The following MRTFB variants were observed in gnomAD, a reference collection of about 807,000 sequenced individuals.
MRTFB encodes myocardin-related transcription factor B.
In MRTFB, 29 loss-of-function variants were observed where a neutral mutation model predicts 104.2. The observed-to-expected ratio is 0.28, with a 90% CI of 0.21 to 0.38. The LOEUF (loss-of-function observed/expected upper bound fraction) is 0.38, where lower values mean the gene tolerates loss of function less well. Ranked by LOEUF, MRTFB falls within the 10% of genes least tolerant of loss-of-function variation. The probability of loss-of-function intolerance (pLI) is 1.00; values close to 1 mark genes in which losing one functional copy is unlikely to be tolerated. For synonymous variants in MRTFB, 535 were observed against 519.5 expected (o/e 1.03, Z -0.41); for missense variants, 1,270 against 1,341.6 (o/e 0.95, Z 0.83).
rs2043034554 is a variant in MRTFB, at chr16:14,246,783, C to G, written c.1523C>G (p.Ser508Cys). 3.1e-6 allele frequency: 5 copies of G among 1,613,944 alleles called. No homozygotes were observed. Among genetic ancestry groups the G allele is most frequent in the South Asian group, 1.1e-5 (1 of 91,086 alleles). Residue 508 changes from serine to cysteine, a missense_variant, in exon 12 of 17, where the codon TCT (serine) becomes TGT (cysteine). Ser to Cys is a moderately radical substitution (Grantham distance 112, BLOSUM62 -1). Coordinates refer to ENST00000571589, the MANE Select transcript of MRTFB (RefSeq NM_001308142.2). ...NVHSPLPISPSPSEQSSLSTD... is the reference protein window; with the variant it reads ...NVHSPLPISPCPSEQSSLSTD... The stretch of plus-strand genomic sequence containing the variant: ...CATTCCCCTCTGCCCATTTCACCAT[C>G]TCCCTCCGAACAGTCCAGTCTCAGT...
At chr16:14,079,160 A>G (rs1380638439) in intron 1 of MRTFB, 130 bp from the exon 2 acceptor site, 2 of 295,092 alleles carry the variant, frequency 6.8e-6, no homozygotes, top group Non-Finnish European at 1.2e-5. Context: ...CTTCCTGACC[A>G]TTCCATTTTA....
chr16:14,245,519 C>A lies in MRTFB; in HGVS notation c.1080-9C>A, dbSNP rs781002560. 4.4e-6 allele frequency: 7 copies of A among 1,596,048 alleles called. No individual in the cohort carries two copies. The highest frequency in any genetic ancestry group is 5.1e-6 in the Non-Finnish European group (6 of 1,175,144). ...TATTATAAACTCTAATTTTTGTTTT[C>A]TTTTGAAGGCCACTCAATGACAAAA... is the stretch of plus-strand genomic sequence containing the variant. On this transcript the variant is annotated splice_polypyrimidine_tract_variant and intron_variant, in intron 10 of 16. Transcript: ENST00000571589.
chr16:14,124,306 A>G (rs2036999426), intron 2 of MRTFB, among the ~76,000 whole-genome samples: 1 of 152,172 alleles, frequency 6.6e-6, no homozygotes, highest in Non-Finnish European at 1.5e-5. Flanking sequence ...ACTGTGTTGA[A>G]TAGGAGTGGT....
At chr16:14,215,192 T>G (rs915950630) in intron 6 of MRTFB, among the ~76,000 whole-genome samples, 2 of 152,242 alleles carry the variant, frequency 1.3e-5, no homozygotes, top group African/African-American at 4.8e-5. Context: ...AATAAATCTT[T>G]TTTTAAGACT....
the MRTFB span, among the ~76,000 whole-genome samples, chr16:14,013,755 T>C: frequency 4.5e-4 from 68 of 152,344 alleles, no homozygotes; most frequent in Non-Finnish European, 8.1e-4. Flanking sequence ...AGCAGGTCTC[T>C]GTAGTGTCCT....
At chr16:14,175,442 C>T (rs2039548534) in intron 3 of MRTFB, among the ~76,000 whole-genome samples, 2 of 152,150 alleles carry the variant, frequency 1.3e-5, no homozygotes, top group Admixed American at 6.5e-5. Context: ...TTATGTAATT[C>T]ATTTTTATTT....
intron 6 of MRTFB, 50 bp downstream of exon 6, chr16:14,213,670 G>C (rs762470121): frequency 3.0e-6 from 4 of 1,324,474 alleles, no homozygotes; most frequent in Admixed American, 2.3e-5. Flanking sequence ...AAGAAAAGAA[G>C]TGAGAATTTC....
rs533348116 is a variant in MRTFB, at chr16:14,129,344, A to G, written c.-63-11200A>G. On this transcript the variant is annotated intron_variant, in intron 2 of 16. Coordinates refer to ENST00000571589, the MANE Select transcript of MRTFB (RefSeq NM_001308142.2). ...TTGGTAAATTTAGAGTTGTACAGTC[A>G]TCACTTTTGAGTCTTAAAATTTCAT... is the stretch of plus-strand genomic sequence containing the variant. 2.0e-4 allele frequency among the ~76,000 whole-genome samples: 30 copies of G among 152,332 alleles called. No individual in the cohort carries two copies. The South Asian group carries it at 6.2e-3, about 32-fold the overall frequency.
intron 2 of MRTFB, among the ~76,000 whole-genome samples, chr16:14,080,221 G>T (rs899664788): frequency 6.6e-6 from 1 of 152,166 alleles, no homozygotes; most frequent in African/African-American, 2.4e-5. Context: ...TTGAGACATG[G>T]CTTACCTGTC....
chr16:14,043,504 C>T, the MRTFB span, among the ~76,000 whole-genome samples: 1 of 152,140 alleles, frequency 6.6e-6, no homozygotes, highest in Non-Finnish European at 1.5e-5. Context: ...TTCATTGTTG[C>T]ATCTTCCTAC....
the MRTFB span, among the ~76,000 whole-genome samples, chr16:14,012,296 TTTC>T: frequency 2.7e-5 from 3 of 112,374 alleles, no homozygotes; most frequent in African/African-American, 1.2e-4. Context: ...TTTTTCTTTC[TTTC>T]TTTTTTTTTT....
intron 3 of MRTFB, among the ~76,000 whole-genome samples, chr16:14,158,996 T>C (rs1415262427): frequency 6.7e-6 from 1 of 148,446 alleles, no homozygotes. Flanking sequence ...AAAAAAAAAC[T>C]TAGGTGTTGT....
intron 3 of MRTFB, chr16:14,151,066 C>T (rs1036930647): frequency 2.6e-5 from 4 of 152,152 alleles, no homozygotes; most frequent in African/African-American, 7.2e-5. Context: ...AAGCAGTACT[C>T]GCAGCTCTTG....
intron 3 of MRTFB, among the ~76,000 whole-genome samples, chr16:14,208,786 G>C: frequency 6.6e-6 from 1 of 152,156 alleles, no homozygotes; most frequent in Non-Finnish European, 1.5e-5. Context: ...AATCAACTTA[G>C]GGAAAAGATC....
At chr16:13,998,871 CAAAAAAAA>C in the MRTFB span, among the ~76,000 whole-genome samples, 956 of 29,134 alleles carry the variant, frequency 0.033, 6 homozygotes, top group Non-Finnish European at 0.06. Context: ...GACTCTGTTT[CAAAAAAAA>C]AAAAAAAAAA....
chr16:14,024,046 A>G, the MRTFB span, among the ~76,000 whole-genome samples: 1 of 151,076 alleles, frequency 6.6e-6, no homozygotes, highest in East Asian at 1.9e-4. Flanking sequence ...GTGAGACTCC[A>G]TCTCAAAAAA....
chr16:14,237,361 CAAG>C (rs1567202188), intron 9 of MRTFB, among the ~76,000 whole-genome samples: 2 of 152,148 alleles, frequency 1.3e-5, no homozygotes, highest in Admixed American at 6.5e-5. Context: ...CACGATGTTT[CAAG>C]AAGAAGGGAG....
intron 2 of MRTFB, among the ~76,000 whole-genome samples, chr16:14,084,275 C>T (rs1043793749): frequency 1.3e-5 from 2 of 152,214 alleles, no homozygotes; most frequent in African/African-American, 4.8e-5. Context: ...CGGTATCTCA[C>T]AACTGTGATC....
Position 14,247,093 on chromosome 16 carries a change from G to A in MRTFB, c.1833G>A (p.Gln611=). 1 of 1,614,208 alleles carries A rather than the reference G, an allele frequency of 6.2e-7. No homozygotes were observed. ...AGGTTGAAAAACGAGGGCAGCAGCA[G>A]CGGCCCCTGGAAGCCCAGCCCAGTG... ...QLEVEKRGQQ[Q]RPLEAQPSAP... Residue 611 remains glutamine (Q), a synonymous_variant, in exon 12 of 17, where the codon CAG becomes CAA. Transcript: ENST00000571589.
Sources: allele counts gnomAD v4.1 joint callset (sites outside exome capture counted in the v4.1 genomes callset), GRCh38; gene constraint gnomAD v4.1.1; transcripts MANE v1.5; gene names NCBI Gene and HGNC (gene_info 2026-07-23, HGNC 2026-07-21).